The following ZFC3H1 variants were observed in gnomAD, a reference collection of about 807,000 sequenced individuals.
ZFC3H1 encodes the protein zinc finger C3H1-type containing.
A neutral mutation model predicts 243.7 loss-of-function variants in ZFC3H1; 71 were observed. The observed-to-expected ratio is 0.29, with a 90% CI of 0.24 to 0.36. The LOEUF is 0.36. Among genes scored for constraint, ZFC3H1 ranks in the 10% least tolerant of loss-of-function variants. The probability of loss-of-function intolerance (pLI) is 1.00; values close to 1 mark genes in which losing one functional copy is unlikely to be tolerated. For missense variants in ZFC3H1, 1,966 were observed against 2,317.1 expected (o/e 0.85, Z 3.11); for synonymous variants, 838 against 813.0 (o/e 1.03, Z -0.52).
intron 6 of ZFC3H1, among the ~76,000 whole-genome samples, chr12:71,639,101 C>T (rs1358818507): frequency 6.6e-6 from 1 of 152,168 alleles, no homozygotes; most frequent in Non-Finnish European, 1.5e-5. Context: ...TGCATCTCAG[C>T]ATTTTTCTTC....
At chr12:71,662,764 C>T (rs1881218679) in intron 1 of ZFC3H1, among the ~76,000 whole-genome samples, 1 of 152,150 alleles carries the variant, frequency 6.6e-6, no homozygotes, top group African/African-American at 2.4e-5. Flanking sequence ...ACAAATCAGA[C>T]TTAACTGTCT....
At position 71,656,975 on chromosome 12, in the gene ZFC3H1, T is replaced by C. The variant is rs201369912; in HGVS notation, c.925A>G (p.Thr309Ala). The C allele has an allele frequency of 3.1e-6, 5 of 1,613,958 alleles. No individual in the cohort carries two copies. In the Admixed American group the frequency reaches 8.3e-5, roughly 27 times the overall value. The part of the protein sequence containing the change: ...FELKPLRQKL[T>A]LPGDKNRLKK... ...AAACGGTTCTTATCTCCTGGTAAAG[T>C]CAATTTTTGCCTGAGTGGTTTTAAT... Residue 309 changes from threonine to alanine, a missense_variant, in exon 2 of 35, where the codon ACT becomes GCT. Thr to Ala is a moderately conservative substitution (Grantham distance 58). Transcript: ENST00000378743.
At position 71,614,701 on chromosome 12, in the gene ZFC3H1, C is replaced by A; in HGVS notation, c.5361-1G>T. 6.3e-7 allele frequency: 1 copy of A among 1,599,112 alleles called. No homozygotes were observed. The highest frequency in any genetic ancestry group is 1.1e-5 in the South Asian group (1 of 88,014). On this transcript the variant is annotated splice_acceptor_variant, in intron 29 of 34. Transcript: ENST00000378743. LOFTEE classifies it high-confidence loss of function. ...TCTATTATTTGCAAAGACAAGATAA[C>A]TGCCAAAAGAAAAATATTATAATTT...
In ZFC3H1 at chr12:71,627,832, A is replaced by G. The variant is rs1880208448; in HGVS notation, c.4049T>C (p.Leu1350Ser). Residue 1350 changes from leucine (L) to serine (S), a missense_variant, in exon 21 of 35, where the codon TTA becomes TCA. By Grantham distance (145) the Leu-to-Ser change is moderately radical. Transcript: ENST00000378743. ...AGGATTTTCAAGCACACTTGCTTCT[A>G]AATTAGCGATGTCATCAGTCTCATT... The part of the protein sequence containing the change: ...FTNETDDIAN[L>S]EASVLENPSH... 1 of 1,613,926 alleles carries G rather than the reference A, an allele frequency of 6.2e-7. No individual in the cohort carries two copies.
chr12:71,651,238 T>C (rs569731550), intron 2 of ZFC3H1, among the ~76,000 whole-genome samples: 1 of 152,344 alleles, frequency 6.6e-6, no homozygotes, highest in South Asian at 2.1e-4. Flanking sequence ...AGGAGCCTCT[T>C]CCACCAGATA....
In ZFC3H1 at chr12:71,657,016, G is replaced by A. The variant is rs1167514738; in HGVS notation, c.884C>T (p.Thr295Ile). The A allele has an allele frequency of 6.2e-7, 1 of 1,613,668 alleles. No homozygotes were observed. Among genetic ancestry groups the A allele is most frequent in the East Asian group, 2.2e-5 (1 of 44,798 alleles). Residue 295 changes from threonine to isoleucine, a missense_variant, in exon 2 of 35, where the codon ACT becomes ATT. Thr to Ile is a moderately conservative substitution (Grantham distance 89). Coordinates refer to ENST00000378743, the MANE Select transcript of ZFC3H1 (RefSeq NM_144982.5). ...TGGTTTTAATTCAAATGCCTGAAAA[G>A]TTTTGACTTGTGTTTTCTCCTCAGG... is the stretch of plus-strand genomic sequence containing the variant. ...VAPEEKTQVKTFQAFELKPLR... is the reference protein window; with the variant it reads ...VAPEEKTQVKIFQAFELKPLR...
chr12:71,641,563 T>C (rs1880603707), intron 6 of ZFC3H1, among the ~76,000 whole-genome samples: 1 of 152,182 alleles, frequency 6.6e-6, no homozygotes, highest in Admixed American at 6.5e-5. Flanking sequence ...CAATCACCCC[T>C]GAACATCAAC....
intron 1 of ZFC3H1, among the ~76,000 whole-genome samples, chr12:71,659,276 T>A (rs1277686292): frequency 1.3e-5 from 2 of 152,202 alleles, no homozygotes; most frequent in Non-Finnish European, 2.9e-5. Context: ...AATACAAATA[T>A]AAGATCATTC....
At chr12:71,638,764 T>C (rs191123970) in intron 6 of ZFC3H1, among the ~76,000 whole-genome samples, 1 of 152,186 alleles carries the variant, frequency 6.6e-6, no homozygotes, top group East Asian at 1.9e-4. Flanking sequence ...GTTCCACTTT[T>C]AACCTAATGA....
In ZFC3H1 at chr12:71,663,806, T is replaced by C; in HGVS notation, c.-196A>G. The C allele has an allele frequency of 1.6e-6, 1 of 627,082 alleles. No individual in the cohort carries two copies. Among genetic ancestry groups the C allele is most frequent in the South Asian group, 2.1e-5 (1 of 48,314 alleles). 38.8% of individuals were successfully genotyped at this position (627,082 alleles called of 1,614,324 possible). A position where few individuals can be genotyped will look rare whatever the true frequency, so the allele number is the denominator to read the frequency against. Reference sequence around the variant, plus strand: ...TCTCGCCGGACCGTCGCAACCCAGTTCCCTTTCCTAGCGCCCCCTTGCTCC... The same window carrying C: ...TCTCGCCGGACCGTCGCAACCCAGTCCCCTTTCCTAGCGCCCCCTTGCTCC... On this transcript the variant is annotated 5_prime_UTR_variant, in exon 1 of 35. Transcript: ENST00000378743.
chr12:71,632,662 G>T, intron 14 of ZFC3H1, 148 bp from the exon 15 acceptor site: 2 of 1,254,754 alleles, frequency 1.6e-6, no homozygotes, highest in Non-Finnish European at 2.1e-6. Context: ...AACATAAGTA[G>T]CCAAAAGTTT....
At chr12:71,626,861 C>A (rs17110042) in intron 21 of ZFC3H1, among the ~76,000 whole-genome samples, 2,771 of 152,308 alleles carry the variant, frequency 0.018, 72 homozygotes, top group African/African-American at 0.063. Context: ...TATAATAGTT[C>A]TTTTCAACGG....
At position 71,638,417 on chromosome 12, in the gene ZFC3H1, C is replaced by G. The variant is rs752843456; in HGVS notation, c.1725+1G>C. The G allele has an allele frequency of 6.2e-7, 1 of 1,610,496 alleles. No individual in the cohort carries two copies. Among genetic ancestry groups the G allele is most frequent in the Admixed American group, 1.7e-5 (1 of 59,470 alleles). On this transcript the variant is annotated splice_donor_variant, in intron 7 of 34. Transcript: ENST00000378743. LOFTEE classifies it high-confidence loss of function. ...TTTCTTAGAAATCAATTCTGACTTA[C>G]AGAAACCTGAGGTGGTGGAGGCAAA...
rs1880400321 is a variant in ZFC3H1, at chr12:71,634,179, G to A, written c.2486C>T (p.Ala829Val). The A allele has an allele frequency of 2.5e-6, 4 of 1,611,888 alleles. No individual in the cohort carries two copies. The highest frequency in any genetic ancestry group is 2.5e-6 in the Non-Finnish European group (3 of 1,179,304). The change falls in exon 12 of 35, where the codon GCA becomes GTA. Residue 829 changes from alanine to valine, a missense_variant. Coordinates refer to ENST00000378743, the MANE Select transcript of ZFC3H1 (RefSeq NM_144982.5). ...CCTATGTTTTTTCAGTTTTGATTCT[G>A]CATCTGTAACCTGCTTAGTAACCAT... ...IAMVTKQVTD[A>V]ESKLKKHRIL... is the part of the protein sequence containing the mutation.
chr12:71,612,233 T>A (rs1879792123), intron 31 of ZFC3H1, among the ~76,000 whole-genome samples: 1 of 135,120 alleles, frequency 7.4e-6, no homozygotes, highest in African/African-American at 2.5e-5. Flanking sequence ...GGTATTTTTC[T>A]TTCTTAGAGT....
chr12:71,638,307 G>T, intron 7 of ZFC3H1, 111 bp downstream of exon 7: 1 of 1,010,266 alleles, frequency 9.9e-7, no homozygotes, highest in Non-Finnish European at 1.5e-6. Context: ...ATTAATTCTT[G>T]GTAAGCAATT....
At chr12:71,616,470 T>C (rs1879896770) in intron 27 of ZFC3H1, among the ~76,000 whole-genome samples, 1 of 152,136 alleles carries the variant, frequency 6.6e-6, no homozygotes, top group Non-Finnish European at 1.5e-5. Flanking sequence ...GGTTGGGAAA[T>C]ACTACAAATT....
intron 26 of ZFC3H1, 126 bp downstream of exon 26, chr12:71,619,798 CAA>C: frequency 1.2e-6 from 1 of 807,182 alleles, no homozygotes. Flanking sequence ...AGTGCTATGG[CAA>C]AGAGAGAAGG....
intron 20 of ZFC3H1, among the ~76,000 whole-genome samples, 192 bp from the exon 21 acceptor site, chr12:71,628,126 G>A (rs1880216659): frequency 6.6e-6 from 1 of 152,204 alleles, no homozygotes; most frequent in Non-Finnish European, 1.5e-5. Context: ...TGAGTGGAAA[G>A]AGGTGCTACT....
Sources: allele counts gnomAD v4.1 joint callset (sites outside exome capture counted in the v4.1 genomes callset), GRCh38; gene constraint gnomAD v4.1.1; transcripts MANE v1.5; gene names NCBI Gene and HGNC (gene_info 2026-07-23, HGNC 2026-07-21).